The following E2F3 variants were observed in gnomAD, a reference collection of about 807,000 sequenced individuals.
E2F3 encodes E2F transcription factor 3.
In E2F3, 11 loss-of-function variants were observed where a neutral mutation model predicts 44.4. That is an observed-to-expected ratio of 0.25 (90% CI 0.16 to 0.41). E2F3 has a LOEUF of 0.41. E2F3 is among the 10% of genes least tolerant of loss of function. E2F3 has a pLI of 1.00. For synonymous variants in E2F3, 249 were observed against 253.0 expected, an observed-to-expected ratio of 0.98 and a Z score of 0.15; for missense variants, 487 against 583.6, an observed-to-expected ratio of 0.83 and a Z score of 1.70.
chr6:20,450,823 C>T (rs1211112261), intron 1 of E2F3, among the ~76,000 whole-genome samples: 2 of 152,184 alleles, frequency 1.3e-5, no homozygotes, highest in Non-Finnish European at 2.9e-5. Context: ...ACGAAAGAGT[C>T]CACTTTCAAT....
intron 1 of E2F3, among the ~76,000 whole-genome samples, chr6:20,433,611 C>A (rs754046717): frequency 6.6e-6 from 1 of 152,046 alleles, no homozygotes; most frequent in Non-Finnish European, 1.5e-5. Context: ...TAATTTTTGA[C>A]CTGCTGCTGG....
At chr6:20,483,264 C>T (rs1402507321) in intron 4 of E2F3, among the ~76,000 whole-genome samples, 1 of 152,104 alleles carries the variant, frequency 6.6e-6, no homozygotes, top group Non-Finnish European at 1.5e-5. Flanking sequence ...CATAAGGTGT[C>T]GGTATTAATA....
In E2F3 at chr6:20,492,149, GAA is replaced by G. The variant is rs747112786; in HGVS notation, c.*1730_*1731del. The G allele has an allele frequency of 1.2e-4, 21 of 175,954 alleles. No homozygotes were observed. Among genetic ancestry groups the G allele is most frequent in the East Asian group, 1.7e-4 (2 of 11,924 alleles). The allele number at this position is 175,954 out of a possible 1,614,324, so 10.9% of individuals were successfully genotyped here. A position where few individuals can be genotyped will look rare whatever the true frequency, so the allele number is the denominator to read the frequency against. ...TAATTGAATTGAAAATATCCCTTAGGAAAAAAAAAAAACACACAAAAAACCAC... is the reference window on the plus strand; with the variant it reads ...TAATTGAATTGAAAATATCCCTTAGGAAAAAAAAAACACACAAAAAACCAC... On this transcript the variant is annotated 3_prime_UTR_variant, in exon 7 of 7. Coordinates refer to ENST00000346618, the MANE Select transcript of E2F3 (RefSeq NM_001949.5).
rs111941183 is a variant in E2F3 at position 20,443,295 on chromosome 6, A to C, written c.394-36551A>C. Among the ~76,000 whole-genome samples, 531 of 150,954 alleles carry C rather than the reference A, an allele frequency of 3.5e-3. 4 individuals are homozygous for C. The highest frequency in any genetic ancestry group is 0.011 in the African/African-American group (475 of 41,514). On this transcript the variant is annotated intron_variant, in intron 1 of 6. Transcript: ENST00000346618. ...ATAGTGATTCTGCATTCCAACATCT[A>C]ACTTCCCTGTGCCTTCCTATTTACA...
chr6:20,420,438 G>GGGGT (rs1392961348), intron 1 of E2F3, among the ~76,000 whole-genome samples: 1 of 148,878 alleles, frequency 6.7e-6, no homozygotes, highest in Admixed American at 6.7e-5. Flanking sequence ...GGCTTTCTCT[G>GGGGT]GTGTGTGTGT....
At chr6:20,471,081 T>C (rs1761873512) in intron 1 of E2F3, among the ~76,000 whole-genome samples, 1 of 152,250 alleles carries the variant, frequency 6.6e-6, no homozygotes, top group Non-Finnish European at 1.5e-5. Flanking sequence ...ATCCAAAGAT[T>C]AATGCTTTTC....
chr6:20,424,201 C>G (rs1017513061), intron 1 of E2F3, among the ~76,000 whole-genome samples: 3 of 111,540 alleles, frequency 2.7e-5, no homozygotes, highest in African/African-American at 3.7e-5. Context: ...TCTTTAACCT[C>G]AGTGGAAGGG....
rs149223186 is a variant in E2F3, at chr6:20,435,189, C to G, written c.393+32564C>G. 3.1e-3 allele frequency among the ~76,000 whole-genome samples: 474 copies of G among 152,252 alleles called. 3 individuals carry two copies. Among genetic ancestry groups the G allele is most frequent in the African/African-American group, 0.011 (451 of 41,556 alleles). On this transcript the variant is annotated intron_variant, in intron 1 of 6. Coordinates refer to ENST00000346618, the MANE Select transcript of E2F3 (RefSeq NM_001949.5). ...GACTCAAGTTTGGTGATCACATGCC[C>G]CAAGTCTCCAACTCCTGGGCTCAAG...
At chr6:20,469,531 G>A (rs7739188) in intron 1 of E2F3, among the ~76,000 whole-genome samples, 149,104 of 152,366 alleles carry the variant, frequency 0.98, 72,965 homozygotes, top group East Asian at 1. Flanking sequence ...TTCTATAGGA[G>A]GGACCGCAGT....
chr6:20,415,073 C>T (rs1037635460), intron 1 of E2F3, among the ~76,000 whole-genome samples: 1 of 152,188 alleles, frequency 6.6e-6, no homozygotes, highest in African/African-American at 2.4e-5. Flanking sequence ...TCTGAACTCT[C>T]GGCATTTTTA....
At chr6:20,461,094 ATTC>A (rs1761491873) in intron 1 of E2F3, among the ~76,000 whole-genome samples, 1 of 150,828 alleles carries the variant, frequency 6.6e-6, no homozygotes, top group South Asian at 2.1e-4. Flanking sequence ...TCTCATGCCC[ATTC>A]TTCTGCCTCA....
At chr6:20,465,892 G>A (rs1176917751) in intron 1 of E2F3, among the ~76,000 whole-genome samples, 3 of 152,084 alleles carry the variant, frequency 2.0e-5, no homozygotes, top group Non-Finnish European at 2.9e-5. Context: ...ATTGTGAATC[G>A]TGCTGCTATA....
chr6:20,487,922 A>G (rs4134971), intron 5 of E2F3, among the ~76,000 whole-genome samples, 191 bp from the exon 6 acceptor site: 12,081 of 152,222 alleles, frequency 0.079, 1,270 homozygotes, highest in African/African-American at 0.24. Context: ...GGTGAACTGG[A>G]TTTGGCCCTT....
At chr6:20,405,025 C>T (rs1759447003) in intron 1 of E2F3, among the ~76,000 whole-genome samples, 1 of 152,132 alleles carries the variant, frequency 6.6e-6, no homozygotes, top group Admixed American at 6.6e-5. Flanking sequence ...ATTATGAGAG[C>T]TTCAAGTTGA....
At position 20,463,113 on chromosome 6, in the gene E2F3, G is replaced by A. The variant is rs1761580064; in HGVS notation, c.394-16733G>A. On this transcript the variant is annotated intron_variant, in intron 1 of 6. Coordinates refer to ENST00000346618, the MANE Select transcript of E2F3 (RefSeq NM_001949.5). ...AATTTTTTTATTTTGGTAGAGACCG[G>A]GTCTTGCTGTTGCCCACGCTGTTCT... 2.0e-5 allele frequency among the ~76,000 whole-genome samples: 3 copies of A among 151,696 alleles called. No homozygotes were observed. The South Asian group carries it at 6.2e-4, about 32-fold the overall frequency.
Position 20,401,969 on chromosome 6 carries a change from C to T in E2F3, c.-264C>T, listed in dbSNP as rs1759318024. 9.3e-6 allele frequency: 4 copies of T among 430,184 alleles called. No individual in the cohort carries two copies. The highest frequency in any genetic ancestry group is 4.1e-5 in the East Asian group (1 of 24,622). The allele number at this position is 430,184 out of a possible 1,614,324, so 26.6% of individuals were successfully genotyped here. ...GCCGCCGCCTCGCAATCCGTTGCAT[C>T]GGCCGCCCCCGACGCCTCCATCCCC... On this transcript the variant is annotated 5_prime_UTR_variant, in exon 1 of 7. Transcript: ENST00000346618.
chr6:20,420,712 CTT>C (rs941207988), intron 1 of E2F3, among the ~76,000 whole-genome samples: 1 of 152,212 alleles, frequency 6.6e-6, no homozygotes, highest in African/African-American at 2.4e-5. Flanking sequence ...AGCGAGTCAT[CTT>C]TTTGCTGGTG....
chr6:20,485,536 GC>G (rs1254211514), intron 4 of E2F3, among the ~76,000 whole-genome samples: 4 of 152,138 alleles, frequency 2.6e-5, no homozygotes, highest in African/African-American at 9.7e-5. Context: ...CTGAGATTGG[GC>G]CACTGAACTC....
intron 1 of E2F3, among the ~76,000 whole-genome samples, chr6:20,444,554 G>A (rs868220021): frequency 1.3e-5 from 2 of 152,030 alleles, no homozygotes; most frequent in Non-Finnish European, 2.9e-5. Flanking sequence ...AGAAAGTCTA[G>A]TCGTGGGTCT....
Sources: allele counts gnomAD v4.1 joint callset (sites outside exome capture counted in the v4.1 genomes callset), GRCh38; gene constraint gnomAD v4.1.1; transcripts MANE v1.5; gene names NCBI Gene and HGNC (gene_info 2026-07-23, HGNC 2026-07-21).